Variants in GPHN observed in about 807,000 individuals in gnomAD.
The protein encoded by GPHN is gephyrin.
GPHN carries 17 observed loss-of-function variants against 95.5 expected under a neutral mutation model. That is an observed-to-expected ratio of 0.18 (90% confidence interval 0.12 to 0.27). The LOEUF (loss-of-function observed/expected upper bound fraction) is 0.27. GPHN is among the 10% of genes least tolerant of loss of function. The pLI is 1.00. For synonymous variants in GPHN, 320 were observed against 322.5 expected, an observed-to-expected ratio of 0.99 and a Z score of 0.08; for missense variants, 660 against 978.1, an observed-to-expected ratio of 0.67 and a Z score of 4.34.
At chr14:67,225,924 T>TGA in the GPHN span, among the ~76,000 whole-genome samples, 21 of 123,880 alleles carry the variant, frequency 1.7e-4, no homozygotes, top group Admixed American at 1.7e-3. Context: ...GCTAATGCTG[T>TGA]GAGTGTGTGT....
the GPHN span, chr14:67,650,556 AGAG>A: frequency 0.074 from 46,795 of 633,268 alleles, 2,884 homozygotes; most frequent in East Asian, 0.23. Flanking sequence ...TTCATGGCCA[AGAG>A]GATGAGGTGC....
intron 2 of GPHN, among the ~76,000 whole-genome samples, chr14:66,723,678 A>G (rs1208532024): frequency 6.6e-6 from 1 of 152,164 alleles, no homozygotes; most frequent in African/African-American, 2.4e-5. Flanking sequence ...TAGAGATAGC[A>G]TAAGTTTGTT....
chr14:67,023,286 C>G (rs2073753440), intron 9 of GPHN, among the ~76,000 whole-genome samples: 1 of 151,976 alleles, frequency 6.6e-6, no homozygotes, highest in African/African-American at 2.4e-5. Context: ...AAGAGATATA[C>G]TGAATGCCTT....
At chr14:66,874,937 A>T (rs1216671128) in intron 4 of GPHN, among the ~76,000 whole-genome samples, 1 of 152,140 alleles carries the variant, frequency 6.6e-6, no homozygotes, top group African/African-American at 2.4e-5. Context: ...GAGGAGAGCA[A>T]CCCCAAGACA....
chr14:67,538,206 G>C, the GPHN span, among the ~76,000 whole-genome samples: 1 of 152,090 alleles, frequency 6.6e-6, no homozygotes, highest in African/African-American at 2.4e-5. Context: ...ATTTGTGTTA[G>C]ACTAGCCTGT....
At chr14:67,620,238 C>T in the GPHN span, 4 of 435,624 alleles carry the variant, frequency 9.2e-6, no homozygotes, top group Non-Finnish European at 1.2e-5. Context: ...CTACTGGGCA[C>T]CGTGGGAGCA....
intron 12 of GPHN, among the ~76,000 whole-genome samples, chr14:67,098,822 CAAA>C (rs112801526): frequency 4.5e-5 from 4 of 89,528 alleles, no homozygotes; most frequent in Non-Finnish European, 6.9e-5. Flanking sequence ...AACTCCATCT[CAAA>C]AAAAAAAAAA....
Position 66,880,311 on chromosome 14 carries a change from T to C in GPHN, c.389+278T>C, listed in dbSNP as rs559665352. Among the ~76,000 whole-genome samples the C allele has an allele frequency of 1.6e-3, 250 of 152,002 alleles. 16 individuals carry two copies. In the South Asian group the frequency reaches 0.051, roughly 31 times the overall value. ...CTTTTTTTTCCAGAGTTAAGAGCTTTAGTATTCTGTCAGCCACAATTTTCC... is the reference window on the plus strand; with the variant it reads ...CTTTTTTTTCCAGAGTTAAGAGCTTCAGTATTCTGTCAGCCACAATTTTCC... On this transcript the variant is annotated intron_variant, in intron 5 of 22. Transcript: ENST00000478722.
At chr14:66,803,005 G>A (rs1258220497) in intron 3 of GPHN, among the ~76,000 whole-genome samples, 3 of 152,138 alleles carry the variant, frequency 2.0e-5, no homozygotes, top group Non-Finnish European at 4.4e-5. Context: ...AGTGGACCCT[G>A]TTCAGCCCTA....
At chr14:67,076,060 GGAAA>G (rs778088312) in intron 11 of GPHN, among the ~76,000 whole-genome samples, 1 of 152,086 alleles carries the variant, frequency 6.6e-6, no homozygotes, top group Admixed American at 6.6e-5. Context: ...CTTTCATGAA[GGAAA>G]GAGTCAATCA....
At chr14:67,728,794 A>G in the GPHN span, among the ~76,000 whole-genome samples, 1 of 152,150 alleles carries the variant, frequency 6.6e-6, no homozygotes, top group East Asian at 1.9e-4. Context: ...GCAGCTCAAA[A>G]TAAAGTCCTA....
At chr14:66,724,636 G>A (rs904926339) in intron 2 of GPHN, among the ~76,000 whole-genome samples, 2 of 152,114 alleles carry the variant, frequency 1.3e-5, no homozygotes, top group African/African-American at 4.8e-5. Context: ...GGTATAGGTA[G>A]GGTACCTCTT....
At chr14:66,780,504 T>G (rs1414601999) in intron 3 of GPHN, among the ~76,000 whole-genome samples, 3 of 152,104 alleles carry the variant, frequency 2.0e-5, no homozygotes, top group African/African-American at 7.2e-5. Flanking sequence ...ATAGTGATTT[T>G]TTTCCTAAAG....
At chr14:67,444,519 G>GAGCT in the GPHN span, among the ~76,000 whole-genome samples, 1 of 152,296 alleles carries the variant, frequency 6.6e-6, no homozygotes, top group East Asian at 1.9e-4. Flanking sequence ...TTCTGACTCA[G>GAGCT]AGCTCATAAG....
chr14:67,083,217 A>G (rs2076757509), intron 11 of GPHN, among the ~76,000 whole-genome samples: 1 of 151,506 alleles, frequency 6.6e-6, no homozygotes, highest in East Asian at 1.9e-4. Flanking sequence ...GATTGATAGT[A>G]TTTGGATCTA....
chr14:66,589,350 A>G (rs563490967), intron 1 of GPHN, among the ~76,000 whole-genome samples: 1 of 152,302 alleles, frequency 6.6e-6, no homozygotes, highest in South Asian at 2.1e-4. Flanking sequence ...ACCAGCTAGC[A>G]TCATAATGAC....
At chr14:67,320,436 A>T in the GPHN span, 2 of 1,533,768 alleles carry the variant, frequency 1.3e-6, no homozygotes, top group Non-Finnish European at 8.8e-7. Context: ...GTGCTTTTCA[A>T]TTTACCAGCT....
chr14:67,391,800 C>T, the GPHN span, among the ~76,000 whole-genome samples: 1 of 152,152 alleles, frequency 6.6e-6, no homozygotes, highest in South Asian at 2.1e-4. Flanking sequence ...CTCCCAAACA[C>T]GGTTTAGGAG....
the GPHN span, among the ~76,000 whole-genome samples, chr14:67,644,442 G>A: frequency 6.6e-6 from 1 of 152,110 alleles, no homozygotes; most frequent in African/African-American, 2.4e-5. Context: ...CTTTTCACTA[G>A]ACCATGCTAT....
Sources: gnomAD v4.1 joint callset for allele counts (sites outside exome capture counted in the v4.1 genomes callset) on GRCh38, gnomAD v4.1.1 for gene constraint, MANE v1.5 for transcripts, NCBI Gene and HGNC (gene_info 2026-07-23, HGNC 2026-07-21) for gene names.